Variants in DHCR24 observed in about 807,000 individuals in gnomAD.
The protein encoded by DHCR24 is 24-dehydrocholesterol reductase.
In DHCR24, 28 loss-of-function variants were observed where a neutral mutation model predicts 61.2. The observed-to-expected ratio is 0.46, with a 90% CI of 0.34 to 0.63. The LOEUF (loss-of-function observed/expected upper bound fraction) is 0.63. Ranked by LOEUF, DHCR24 falls within the 20% of genes least tolerant of loss-of-function variation. DHCR24 has a pLI of 0.01. For missense variants in DHCR24, 538 were observed against 679.1 expected, an observed-to-expected ratio of 0.79 and a Z score of 2.31; for synonymous variants, 261 against 275.9, an observed-to-expected ratio of 0.95 and a Z score of 0.54.
At chr1:54,863,210 C>A (rs1393027399) in intron 6 of DHCR24, among the ~76,000 whole-genome samples, 1 of 152,072 alleles carries the variant, frequency 6.6e-6, no homozygotes, top group Non-Finnish European at 1.5e-5. Context: ...GACACTTCTC[C>A]TCTGCTGCTG....
intron 2 of DHCR24, among the ~76,000 whole-genome samples, chr1:54,879,891 A>G (rs1464116002): frequency 6.6e-6 from 1 of 152,194 alleles, no homozygotes; most frequent in African/African-American, 2.4e-5. Context: ...AAACATTTAT[A>G]TTAGAAAAAA....
chr1:54,863,191 C>T (rs1646948553), intron 6 of DHCR24, among the ~76,000 whole-genome samples: 1 of 152,094 alleles, frequency 6.6e-6, no homozygotes, highest in Non-Finnish European at 1.5e-5. Flanking sequence ...CACTGCATCT[C>T]CCAGATTTGA....
intron 5 of DHCR24, among the ~76,000 whole-genome samples, chr1:54,868,259 A>G (rs895277402): frequency 1.3e-5 from 2 of 152,132 alleles, no homozygotes; most frequent in African/African-American, 4.8e-5. Context: ...TCACGAGGTC[A>G]GGAGATCGAG....
chr1:54,875,805 G>A, intron 3 of DHCR24, 137 bp downstream of exon 3: 1 of 734,218 alleles, frequency 1.4e-6, no homozygotes, highest in Non-Finnish European at 2.5e-6. Context: ...ATTGGAGCAG[G>A]CAAGTAAGAG....
intron 6 of DHCR24, among the ~76,000 whole-genome samples, chr1:54,859,438 T>A (rs1359739083): frequency 6.6e-6 from 1 of 152,248 alleles, no homozygotes. Flanking sequence ...ACACTCATTC[T>A]CTGAGTTGTG....
chr1:54,868,478 A>C lies in DHCR24; in HGVS notation c.876+2872T>G, dbSNP rs188794180. 3.7e-3 allele frequency among the ~76,000 whole-genome samples: 568 copies of C among 152,234 alleles called. 20 individuals carry two copies. Among genetic ancestry groups the C allele is most frequent in the Admixed American group, 0.033 (499 of 15,282 alleles). On this transcript the variant is annotated intron_variant, in intron 5 of 8. Coordinates refer to ENST00000371269, the MANE Select transcript of DHCR24 (RefSeq NM_014762.4). Reference sequence around the variant, plus strand: ...GAGCGAGACTCTGTCTCAAAAAAAAACAAAAGATATTACTCAAATTACAGA... The same window carrying C: ...GAGCGAGACTCTGTCTCAAAAAAAACCAAAAGATATTACTCAAATTACAGA...
chr1:54,883,232 G>A lies in DHCR24; in HGVS notation c.387+386C>T, dbSNP rs772507623. 7.9e-5 allele frequency among the ~76,000 whole-genome samples: 12 copies of A among 151,954 alleles called. No individual in the cohort carries two copies. The highest frequency in any genetic ancestry group is 1.9e-4 in the East Asian group (1 of 5,186). ...ATGGGCCAAAAAGTATGTACATTTC[G>A]AAGGCTATTAAACAAGAGGGTTTCC... is the stretch of plus-strand genomic sequence containing the variant. On this transcript the variant is annotated intron_variant, in intron 2 of 8. Transcript: ENST00000371269. This position sits in a 1 kb window ranked among gnomAD's most constrained non-coding sequence, Gnocchi z 4.3.
intron 6 of DHCR24, 56 bp downstream of exon 6, chr1:54,865,247 G>A (rs1305333543): frequency 4.0e-5 from 63 of 1,582,654 alleles, no homozygotes; most frequent in East Asian, 6.9e-5. Context: ...TTAACTGTCC[G>A]GGCTCCCTGC....
intron 6 of DHCR24, among the ~76,000 whole-genome samples, chr1:54,855,501 A>C (rs11206454): frequency 6.6e-6 from 1 of 152,030 alleles, no homozygotes; most frequent in South Asian, 2.1e-4. Flanking sequence ...TGTCCTTAAG[A>C]CACCCACAAC....
Position 54,852,211 on chromosome 1 carries a change from G to C in DHCR24, c.*22C>G, listed in dbSNP as rs1429039794. The C allele has an allele frequency of 6.2e-7, 1 of 1,614,064 alleles. No individual in the cohort carries two copies. ...GATGCCTGACCACTCACACGTGTCT[G>C]TCTCTCCAGGCGGGCTCCAGCTCAG... is the stretch of plus-strand genomic sequence containing the variant. On this transcript the variant is annotated 3_prime_UTR_variant, in exon 9 of 9. Coordinates refer to ENST00000371269, the MANE Select transcript of DHCR24 (RefSeq NM_014762.4).
intron 5 of DHCR24, among the ~76,000 whole-genome samples, chr1:54,869,631 G>C (rs1646986383): frequency 1.3e-5 from 2 of 152,112 alleles, no homozygotes; most frequent in East Asian, 3.9e-4. Context: ...GCTGGGTGTG[G>C]TGGCTCACAC....
chr1:54,858,926 C>T (rs373010899), intron 6 of DHCR24, among the ~76,000 whole-genome samples: 13 of 152,174 alleles, frequency 8.5e-5, no homozygotes, highest in Non-Finnish European at 1.2e-4. Flanking sequence ...TAAGCCACTG[C>T]GCCCGGCCTT....
intron 5 of DHCR24, among the ~76,000 whole-genome samples, chr1:54,870,070 T>A (rs113387019): frequency 0.028 from 4,223 of 149,412 alleles, 132 homozygotes; most frequent in East Asian, 0.12. Flanking sequence ...AAAAAAAAAA[T>A]TTTTAACTGG....
chr1:54,864,944 T>C (rs1308956253), intron 6 of DHCR24, among the ~76,000 whole-genome samples: 2 of 152,212 alleles, frequency 1.3e-5, no homozygotes, highest in Non-Finnish European at 2.9e-5. Context: ...TAGGCAGAAC[T>C]AGCCACTTCC....
intron 4 of DHCR24, among the ~76,000 whole-genome samples, chr1:54,873,458 A>G (rs1032291902): frequency 6.6e-6 from 1 of 152,132 alleles, no homozygotes; most frequent in Non-Finnish European, 1.5e-5. Context: ...TCTGCTTATT[A>G]AAAAAAAGTT....
intron 5 of DHCR24, among the ~76,000 whole-genome samples, chr1:54,866,223 C>G (rs958573883): frequency 1.3e-5 from 2 of 152,154 alleles, no homozygotes; most frequent in African/African-American, 4.8e-5. Context: ...TGGGGACACA[C>G]CCAGGCAGGT....
intron 2 of DHCR24, among the ~76,000 whole-genome samples, chr1:54,880,818 G>A (rs1570202495): frequency 6.6e-6 from 1 of 150,752 alleles, no homozygotes; most frequent in East Asian, 2.0e-4. Context: ...CCCCCACAAT[G>A]CATAAAAGAA....
chr1:54,886,896 T>C lies in DHCR24; in HGVS notation c.224A>G (p.Gln75Arg), dbSNP rs1647102060. 1.9e-6 allele frequency: 3 copies of C among 1,612,622 alleles called. No individual in the cohort carries two copies. Among genetic ancestry groups the C allele is most frequent in the Non-Finnish European group, 2.5e-6 (3 of 1,179,422 alleles). Residue 75 changes from glutamine to arginine, a missense_variant, in exon 1 of 9, where the codon CAG becomes CGG. By Grantham distance (43) the Gln-to-Arg change is conservative. Transcript: ENST00000371269. ...RLHEQRVRDIQKQVREWKEQG... is the reference protein window; with the variant it reads ...RLHEQRVRDIRKQVREWKEQG... ...GCACCCGGCGCCGCTCACCTGCTTC[T>C]GGATGTCCCGCACGCGCTGCTCGTG...
intron 5 of DHCR24, among the ~76,000 whole-genome samples, chr1:54,867,075 T>C (rs1646971842): frequency 6.6e-6 from 1 of 152,158 alleles, no homozygotes; most frequent in Admixed American, 6.5e-5. Context: ...GCCCAGGACA[T>C]GGGAAAGAAC....
Sources: gnomAD v4.1 joint callset for allele counts (sites outside exome capture counted in the v4.1 genomes callset) on GRCh38, gnomAD v4.1.1 for gene constraint, Gnocchi (gnomAD v3.1) non-coding constraint, MANE v1.5 for transcripts, NCBI Gene and HGNC (gene_info 2026-07-23, HGNC 2026-07-21) for gene names.